The following COL5A1 variants were observed in gnomAD, a reference collection of about 807,000 sequenced individuals.
The protein encoded by COL5A1 is collagen type V alpha 1 chain, also known as collagen alpha-1(V) chain.
COL5A1 carries 16 observed loss-of-function variants against 263.7 expected under a neutral mutation model. The ratio of observed to expected loss-of-function variants is 0.06; its 90% CI spans 0.04 to 0.09. COL5A1 has a LOEUF of 0.09. Ranked by LOEUF, COL5A1 falls within the 10% of genes least tolerant of loss-of-function variation. The pLI is 1.00. For missense variants in COL5A1, 2,036 were observed against 2,540.5 expected (o/e 0.80, Z 4.27); for synonymous variants, 1,012 against 1,004.5 (o/e 1.01, Z -0.14).
In COL5A1 at chr9:134,844,133, A is replaced by G. The variant is rs1172051059; in HGVS notation, c.*1830A>G. Reference sequence around the variant, plus strand: ...CCGACCCCCACCACCACCAGAATGCAGTTCCAGCTTAGGAAGCCACAAACA... The same window carrying G: ...CCGACCCCCACCACCACCAGAATGCGGTTCCAGCTTAGGAAGCCACAAACA... On this transcript the variant is annotated 3_prime_UTR_variant, in exon 66 of 66. Transcript: ENST00000371817. The G allele has an allele frequency of 6.6e-6, 1 of 152,552 alleles. No homozygotes were observed. Among genetic ancestry groups the G allele is most frequent in the Non-Finnish European group, 1.5e-5 (1 of 68,058 alleles). The allele number at this position is 152,552 out of a possible 1,614,324, so 9.4% of individuals were successfully genotyped here.
Position 134,760,990 on chromosome 9 carries a change from CACAT to C in COL5A1, c.1936-931_1936-928del, listed in dbSNP as rs771062540. Among the ~76,000 whole-genome samples the C allele has an allele frequency of 3.3e-4, 38 of 115,138 alleles. No individual in the cohort carries two copies. The East Asian group carries it at 5.2e-3, about 16-fold the overall frequency. 75.5% of individuals were successfully genotyped at this position (115,138 alleles called of 152,430 possible). A position where few individuals can be genotyped will look rare whatever the true frequency, so the allele number is the denominator to read the frequency against. ...CACACATGTATACCACCCCGATACACACATACACGTGCACACCAGCCACACACGC... is the reference window on the plus strand; with the variant it reads ...CACACATGTATACCACCCCGATACACACACGTGCACACCAGCCACACACGC... On this transcript the variant is annotated intron_variant, in intron 18 of 65. Transcript: ENST00000371817.
intron 18 of COL5A1, among the ~76,000 whole-genome samples, chr9:134,760,417 T>G (rs1166770190): frequency 4.7e-5 from 3 of 63,456 alleles, no homozygotes; most frequent in Non-Finnish European, 8.5e-5. Context: ...CATACACACA[T>G]GCACACACAC....
In COL5A1 at chr9:134,835,125, T is replaced by G; in HGVS notation, c.5291T>G (p.Leu1764Arg). Residue 1764 changes from leucine to arginine, a missense_variant, in exon 65 of 66, where the codon CTC becomes CGC. Around this residue, in one of 3 missense-constraint regions of COL5A1, gnomAD observed 358 missense variants for 384.6 expected, o/e 0.93. Coordinates refer to ENST00000371817, the MANE Select transcript of COL5A1 (RefSeq NM_000093.5). ...GCCACGGGCAGCTACGACAAGGCCC[T>G]CCGCTTCCTGGGCTCCAACGACGAG... is the stretch of plus-strand genomic sequence containing the variant. Reference protein sequence around the residue: ...DAATGSYDKALRFLGSNDEEM... With the variant: ...DAATGSYDKARRFLGSNDEEM... The G allele has an allele frequency of 6.2e-7, 1 of 1,613,856 alleles. No individual in the cohort carries two copies.
rs1418913844 is a variant in COL5A1, at chr9:134,682,666, G to A, written c.110-8246G>A. ...TGACTGGAAAGTAACAGTGGGCACT[G>A]CTCCGGCTCAGGGGGGCACCGGGAC... is the stretch of plus-strand genomic sequence containing the variant. On this transcript the variant is annotated intron_variant, in intron 1 of 65. Coordinates refer to ENST00000371817, the MANE Select transcript of COL5A1 (RefSeq NM_000093.5). The surrounding 1 kb of genome is among the most constrained non-coding windows in gnomAD (Gnocchi z 5.1). Among the ~76,000 whole-genome samples the A allele has an allele frequency of 1.3e-5, 2 of 152,222 alleles. No individual in the cohort carries two copies. Among genetic ancestry groups the A allele is most frequent in the Non-Finnish European group, 2.9e-5 (2 of 68,044 alleles).
At chr9:134,726,663 GGAGA>G in intron 4 of COL5A1, among the ~76,000 whole-genome samples, 1 of 151,920 alleles carries the variant, frequency 6.6e-6, no homozygotes. Context: ...TGGGTGGATG[GGAGA>G]ATGGATGGAT....
At chr9:134,788,132 A>C (rs986363163) in intron 31 of COL5A1, among the ~76,000 whole-genome samples, 2 of 140,896 alleles carry the variant, frequency 1.4e-5, no homozygotes, top group Admixed American at 1.4e-4. Context: ...GTAGATACAT[A>C]GATGGATGGA....
Position 134,768,399 on chromosome 9 carries a change from G to A in COL5A1, c.2233-11G>A, listed in dbSNP as rs1310809698. On this transcript the variant is annotated splice_polypyrimidine_tract_variant and intron_variant, in intron 24 of 65. Transcript: ENST00000371817. ...AGGGCATCTCCTCATGGAGTCTCTGGTTTGTTCTAGGGTCCCTTGGGGAAA... is the reference window on the plus strand; with the variant it reads ...AGGGCATCTCCTCATGGAGTCTCTGATTTGTTCTAGGGTCCCTTGGGGAAA... 2 of 1,613,768 alleles carry A rather than the reference G, an allele frequency of 1.2e-6. No individual in the cohort carries two copies. The highest frequency in any genetic ancestry group is 1.7e-6 in the Non-Finnish European group (2 of 1,179,796).
chr9:134,671,385 C>T (rs1170752202), intron 1 of COL5A1, among the ~76,000 whole-genome samples: 1 of 152,218 alleles, frequency 6.6e-6, no homozygotes, highest in African/African-American at 2.4e-5. Flanking sequence ...TGTGTTCATT[C>T]AGGGCCCATG....
In COL5A1 at chr9:134,818,805, G is replaced by A. The variant is rs773144272; in HGVS notation, c.4338+42G>A. ...GGGCAGAGGGGTTGCCGAGTGGAGG[G>A]ACGGGGGACCAGCAACTCATGCAGA... On this transcript the variant is annotated intron_variant, in intron 55 of 65. Coordinates refer to ENST00000371817, the MANE Select transcript of COL5A1 (RefSeq NM_000093.5). The surrounding 1 kb of genome is among the most constrained non-coding windows in gnomAD (Gnocchi z 6.0). 1 of 1,612,694 alleles carries A rather than the reference G, an allele frequency of 6.2e-7. No homozygotes were observed. The highest frequency in any genetic ancestry group is 2.2e-5 in the East Asian group (1 of 44,838).
chr9:134,766,348 C>A, intron 21 of COL5A1, 106 bp from the exon 22 acceptor site: 1 of 1,093,142 alleles, frequency 9.1e-7, no homozygotes, highest in Non-Finnish European at 1.4e-6. Context: ...TCCTCTGATT[C>A]GTCGTGGGAT....
chr9:134,834,643 C>T (rs1314858190), intron 64 of COL5A1, among the ~76,000 whole-genome samples: 1 of 152,162 alleles, frequency 6.6e-6, no homozygotes, highest in Non-Finnish European at 1.5e-5. Flanking sequence ...AGGGCAGCCA[C>T]AGAGTAGGTG....
intron 27 of COL5A1, among the ~76,000 whole-genome samples, chr9:134,775,641 G>C (rs1172840872): frequency 6.6e-6 from 1 of 152,148 alleles, no homozygotes; most frequent in African/African-American, 2.4e-5. Flanking sequence ...CATACCCCTA[G>C]GCGCACGCGG....
At chr9:134,820,802 T>C (rs1426544409) in intron 58 of COL5A1, among the ~76,000 whole-genome samples, 3 of 152,046 alleles carry the variant, frequency 2.0e-5, no homozygotes, top group Non-Finnish European at 2.9e-5. Context: ...GGAGAGGGGA[T>C]GAGGTGACCT....
At chr9:134,816,383 C>T (rs144304428) in intron 52 of COL5A1, among the ~76,000 whole-genome samples, 175 of 152,348 alleles carry the variant, frequency 1.1e-3, no homozygotes, top group East Asian at 2.3e-3. Flanking sequence ...TTGCATCTGA[C>T]GCTTGGCGTT....
intron 28 of COL5A1, among the ~76,000 whole-genome samples, chr9:134,780,684 GC>G: frequency 6.6e-6 from 1 of 152,354 alleles, no homozygotes; most frequent in African/African-American, 2.4e-5. Flanking sequence ...TGAAGACAAA[GC>G]TAAACTACAC....
chr9:134,659,856 C>T (rs1427423208), intron 1 of COL5A1, among the ~76,000 whole-genome samples: 1 of 152,184 alleles, frequency 6.6e-6, no homozygotes, highest in Non-Finnish European at 1.5e-5. Context: ...GTGAGCTGCC[C>T]TGGTCTGAGT....
At chr9:134,656,605 C>T (rs114318223) in intron 1 of COL5A1, among the ~76,000 whole-genome samples, 104 of 152,164 alleles carry the variant, frequency 6.8e-4, no homozygotes, top group African/African-American at 2.4e-3. Context: ...GACATCGTCC[C>T]GTGCAGTGCA....
In COL5A1 at chr9:134,758,921, C is replaced by T. The variant is rs1836096719; in HGVS notation, c.1935+625C>T. On this transcript the variant is annotated intron_variant, in intron 18 of 65. Transcript: ENST00000371817. This position sits in a 1 kb window ranked among gnomAD's most constrained non-coding sequence, Gnocchi z 4.1. ...TTGGATAAACGGCAACAGCCAAGCC[C>T]CTCGAATCTTGAATCTGTCTCAATA... is the stretch of plus-strand genomic sequence containing the variant. Among the ~76,000 whole-genome samples, 1 of 152,142 alleles carries T rather than the reference C, an allele frequency of 6.6e-6. No homozygotes were observed. Among genetic ancestry groups the T allele is most frequent in the African/African-American group, 2.4e-5 (1 of 41,392 alleles).
chr9:134,748,110 C>T (rs546090815), intron 11 of COL5A1, among the ~76,000 whole-genome samples: 1 of 79,536 alleles, frequency 1.3e-5, no homozygotes, highest in East Asian at 4.5e-4. Flanking sequence ...TCCACACATG[C>T]ATACACAGAC....
Sources: gnomAD v4.1 joint callset for allele counts (sites outside exome capture counted in the v4.1 genomes callset) on GRCh38, gnomAD v4.1.1 for gene constraint, gnomAD v4.1.1 regional missense constraint, Gnocchi (gnomAD v3.1) non-coding constraint, MANE v1.5 for transcripts, NCBI Gene and HGNC (gene_info 2026-07-23, HGNC 2026-07-21) for gene names.